Variants in JAK1 observed in about 807,000 individuals in gnomAD.
The protein encoded by JAK1 is Janus kinase 1.
Under a neutral mutation model 136.6 loss-of-function variants are expected in JAK1, and 16 were observed. That is an observed-to-expected ratio of 0.12 (90% CI 0.08 to 0.18). The LOEUF (loss-of-function observed/expected upper bound fraction) is 0.18, where lower values mean the gene tolerates loss of function less well. JAK1 is among the 10% of genes least tolerant of loss of function. JAK1 has a pLI of 1.00. For synonymous variants in JAK1, 492 were observed against 519.5 expected (o/e 0.95, Z 0.72); for missense variants, 859 against 1,450.1 (o/e 0.59, Z 6.62).
Position 64,834,464 on chromosome 1 carries a change from C to T in JAK1, c.*98G>A. Reference sequence around the variant, plus strand: ...GTTCAGTGACTTTTTGGACAGAACACAAACTTCTTTCATTAGAAATTTTTA... The same window carrying T: ...GTTCAGTGACTTTTTGGACAGAACATAAACTTCTTTCATTAGAAATTTTTA... On this transcript the variant is annotated 3_prime_UTR_variant, in exon 25 of 25. Coordinates refer to ENST00000342505, the MANE Select transcript of JAK1 (RefSeq NM_002227.4). 1.2e-6 allele frequency: 1 copy of T among 815,402 alleles called. No individual in the cohort carries two copies. The highest frequency in any genetic ancestry group is 1.6e-5 in the South Asian group (1 of 64,188). The allele number at this position is 815,402 out of a possible 1,614,324, so 50.5% of individuals were successfully genotyped here.
intron 1 of JAK1, among the ~76,000 whole-genome samples, chr1:64,903,129 C>A (rs190843648): frequency 1.3e-5 from 2 of 152,128 alleles, no homozygotes; most frequent in East Asian, 3.9e-4. Flanking sequence ...CAGGTTCAAG[C>A]GATTCTCCTG....
At chr1:64,963,932 C>T (rs1324321792) in intron 1 of JAK1, among the ~76,000 whole-genome samples, 2 of 152,168 alleles carry the variant, frequency 1.3e-5, no homozygotes, top group Non-Finnish European at 2.9e-5. Context: ...CCAGTAGCAC[C>T]GCTCCCTTCC....
chr1:65,060,447 A>G (rs1647739268), intron 1 of JAK1, among the ~76,000 whole-genome samples: 1 of 152,208 alleles, frequency 6.6e-6, no homozygotes, highest in Admixed American at 6.5e-5. Flanking sequence ...AGTGTGATTC[A>G]ATGTCTAAAT....
chr1:64,847,487 A>G (rs1381134152), intron 13 of JAK1, 45 bp downstream of exon 13: 6 of 1,610,080 alleles, frequency 3.7e-6, no homozygotes, highest in Non-Finnish European at 5.1e-6. Flanking sequence ...CACTGGCTCC[A>G]GAAACGGGAG....
chr1:64,958,731 A>G (rs1026597819), intron 1 of JAK1, among the ~76,000 whole-genome samples: 2 of 152,198 alleles, frequency 1.3e-5, no homozygotes, highest in Non-Finnish European at 2.9e-5. Context: ...ATCATAATTG[A>G]AAAAAACTGT....
intron 2 of JAK1, among the ~76,000 whole-genome samples, chr1:65,036,600 G>A (rs1257629450): frequency 6.6e-6 from 1 of 152,174 alleles, no homozygotes; most frequent in African/African-American, 2.4e-5. Context: ...TAACATAACT[G>A]CTTTCACTTA....
intron 24 of JAK1, among the ~76,000 whole-genome samples, chr1:64,835,174 C>G (rs1218073560): frequency 6.6e-6 from 1 of 152,230 alleles, no homozygotes; most frequent in Non-Finnish European, 1.5e-5. Flanking sequence ...GAGGGGCTGG[C>G]TTTTGGAGGG....
At chr1:65,058,534 C>A in intron 1 of JAK1, 1 of 531,694 alleles carries the variant, frequency 1.9e-6, no homozygotes, top group Non-Finnish European at 3.9e-6. Context: ...TGTCGGTCAA[C>A]GGCATCCTTT....
At chr1:65,055,369 G>A (rs146994318) in intron 1 of JAK1, among the ~76,000 whole-genome samples, 1 of 152,102 alleles carries the variant, frequency 6.6e-6, no homozygotes, top group Admixed American at 6.5e-5. Context: ...TTCCAATGTA[G>A]GTATACACTA....
intron 1 of JAK1, among the ~76,000 whole-genome samples, chr1:65,060,432 A>AT (rs1348407662): frequency 2.0e-5 from 3 of 152,202 alleles, no homozygotes; most frequent in Non-Finnish European, 2.9e-5. Flanking sequence ...CTTCACCAAA[A>AT]TATTAGTGTG....
intron 15 of JAK1, among the ~76,000 whole-genome samples, 170 bp downstream of exon 15, chr1:64,845,343 G>A (rs540357564): frequency 3.3e-5 from 5 of 152,226 alleles, no homozygotes; most frequent in Admixed American, 2.6e-4. Context: ...GGCCCCAAAC[G>A]ACCATCTTCA....
intron 2 of JAK1, among the ~76,000 whole-genome samples, chr1:65,000,813 T>G (rs1275168351): frequency 2.0e-5 from 3 of 152,166 alleles, no homozygotes; most frequent in Non-Finnish European, 4.4e-5. Context: ...TTTTCTGCAA[T>G]GAATAATAAT....
At chr1:65,053,885 G>C (rs1412512161) in intron 1 of JAK1, among the ~76,000 whole-genome samples, 2 of 152,200 alleles carry the variant, frequency 1.3e-5, no homozygotes, top group African/African-American at 4.8e-5. Flanking sequence ...GTTATTCAGA[G>C]AAGCTAGAAA....
At chr1:64,966,918 C>T (rs1268842521), upstream of JAK1, among the ~76,000 whole-genome samples, 1 of 152,102 alleles carries the variant, frequency 6.6e-6, no homozygotes, top group Admixed American at 6.5e-5. Context: ...CCCGCCTCCT[C>T]CGTATACGCT....
Position 64,984,657 on chromosome 1 carries a change from G to T in JAK1, c.-78+59823C>A. ...CAGGCTGGATACTGTTCATCTCCAT[G>T]ACACAGTCCTTCCAGATCTATTTGC... On this transcript the variant is annotated intron_variant, in intron 2 of 25. Transcript: ENST00000671954. The surrounding 1 kb of genome is among the most constrained non-coding windows in gnomAD (Gnocchi z 4.1). 1.8e-6 allele frequency: 1 copy of T among 551,734 alleles called. No individual in the cohort carries two copies. Among genetic ancestry groups the T allele is most frequent in the South Asian group, 1.8e-5 (1 of 55,278 alleles). 34.2% of individuals were successfully genotyped at this position (551,734 alleles called of 1,614,324 possible). A position where few individuals can be genotyped will look rare whatever the true frequency, so the allele number is the denominator to read the frequency against.
intron 2 of JAK1, chr1:64,990,919 CAAAAAAAAAAAA>C (rs1173485942): frequency 4.5e-5 from 2 of 44,168 alleles, no homozygotes; most frequent in Admixed American, 2.4e-4. Context: ...GACTCCGTCT[CAAAAAAAAAAAA>C]AAAAAAAAGA....
intron 1 of JAK1, among the ~76,000 whole-genome samples, chr1:64,939,335 A>T (rs1645846557): frequency 6.6e-6 from 1 of 152,230 alleles, no homozygotes; most frequent in Admixed American, 6.5e-5. Flanking sequence ...ATGGCAGATT[A>T]CCATGCATAA....
At chr1:65,021,246 G>A (rs1405519950) in intron 2 of JAK1, among the ~76,000 whole-genome samples, 1 of 152,164 alleles carries the variant, frequency 6.6e-6, no homozygotes, top group Admixed American at 6.5e-5. Context: ...GCCACTTCCA[G>A]TGTTTTTCTT....
At chr1:65,029,181 C>T (rs995973593) in intron 2 of JAK1, among the ~76,000 whole-genome samples, 3 of 152,106 alleles carry the variant, frequency 2.0e-5, no homozygotes, top group Non-Finnish European at 4.4e-5. Flanking sequence ...ACTGCAGCCT[C>T]AAACTCCAGG....
Sources: gnomAD v4.1 joint callset for allele counts (sites outside exome capture counted in the v4.1 genomes callset) on GRCh38, gnomAD v4.1.1 for gene constraint, Gnocchi (gnomAD v3.1) non-coding constraint, MANE v1.5 for transcripts, NCBI Gene and HGNC (gene_info 2026-07-23, HGNC 2026-07-21) for gene names.